Variants in NCKAP5 observed in about 807,000 individuals in gnomAD.
NCKAP5 encodes the protein NCK associated protein 5, also known as nck-associated protein 5.
Under a neutral mutation model 167.0 loss-of-function variants are expected in NCKAP5, and 92 were observed. The observed-to-expected ratio is 0.55, with a 90% CI of 0.47 to 0.66. NCKAP5 has a LOEUF of 0.66. Among genes scored for constraint, NCKAP5 ranks in the 30% least tolerant of loss-of-function variants. The probability of loss-of-function intolerance (pLI) is 0.00; values close to 1 mark genes in which losing one functional copy is unlikely to be tolerated. For synonymous variants in NCKAP5, 891 were observed against 877.4 expected (o/e 1.02, Z -0.27); for missense variants, 2,378 against 2,315.0 (o/e 1.03, Z -0.56).
Position 133,253,416 on chromosome 2 carries a change from G to C in NCKAP5, c.144-39637C>G, listed in dbSNP as rs113776925. ...AGAGGCAGTATATCCCACAAATTAA[G>C]TAAATGAAGGCTATAGAAGACAGAA... On this transcript the variant is annotated intron_variant, in intron 4 of 19. Transcript: ENST00000409261. 1.2e-3 allele frequency among the ~76,000 whole-genome samples: 186 copies of C among 152,302 alleles called. 1 individual carries two copies. Among genetic ancestry groups the C allele is most frequent in the African/African-American group, 3.8e-3 (156 of 41,558 alleles).
chr2:133,305,732 C>T (rs934238245), intron 3 of NCKAP5, among the ~76,000 whole-genome samples: 4 of 152,168 alleles, frequency 2.6e-5, no homozygotes, highest in African/African-American at 7.2e-5. Context: ...TAGCTTTATC[C>T]TGTTTTCCAT....
At chr2:133,124,120 G>T (rs780944103) in intron 6 of NCKAP5, among the ~76,000 whole-genome samples, 1 of 152,186 alleles carries the variant, frequency 6.6e-6, no homozygotes, top group Non-Finnish European at 1.5e-5. Flanking sequence ...AGTAAGTAAA[G>T]AAATAGCTTC....
chr2:133,035,397 A>T (rs1196834149), intron 6 of NCKAP5, among the ~76,000 whole-genome samples: 1 of 152,056 alleles, frequency 6.6e-6, no homozygotes, highest in Non-Finnish European at 1.5e-5. Context: ...AATCTGTACT[A>T]TCAACCAGAT....
intron 4 of NCKAP5, among the ~76,000 whole-genome samples, chr2:133,242,397 C>T (rs1184787295): frequency 2.0e-5 from 3 of 151,560 alleles, no homozygotes; most frequent in Non-Finnish European, 4.4e-5. Context: ...GGAGGTGATA[C>T]CCAAATATAA....
the NCKAP5 span, among the ~76,000 whole-genome samples, chr2:133,587,815 A>G: frequency 5.3e-5 from 8 of 152,184 alleles, no homozygotes; most frequent in Non-Finnish European, 7.3e-5. Context: ...TAACCAAGAA[A>G]GAAGTTTGAT....
At chr2:132,840,492 G>A (rs1032742640) in intron 11 of NCKAP5, among the ~76,000 whole-genome samples, 1 of 152,026 alleles carries the variant, frequency 6.6e-6, no homozygotes, top group African/African-American at 2.4e-5. Flanking sequence ...GGTCAGACTG[G>A]TCTCAAACTC....
Position 133,176,533 on chromosome 2 carries a change from A to G in NCKAP5, c.207+37183T>C, listed in dbSNP as rs374550477. 2.6e-5 allele frequency among the ~76,000 whole-genome samples: 4 copies of G among 152,174 alleles called. No individual in the cohort carries two copies. The East Asian group carries it at 5.8e-4, about 22-fold the overall frequency. On this transcript the variant is annotated intron_variant, in intron 5 of 19. Transcript: ENST00000409261. ...ATGTTCTTTGGATAGAATGTTACTT[A>G]TATTCCATTAGTTAAACACAGCACT...
At chr2:133,113,190 T>G (rs2081970102) in intron 6 of NCKAP5, among the ~76,000 whole-genome samples, 1 of 151,848 alleles carries the variant, frequency 6.6e-6, no homozygotes, top group South Asian at 2.1e-4. Context: ...AAGGATAGTT[T>G]ACACAATTGG....
At chr2:133,329,465 G>C (rs1264583780) in intron 3 of NCKAP5, among the ~76,000 whole-genome samples, 2 of 152,100 alleles carry the variant, frequency 1.3e-5, no homozygotes, top group Non-Finnish European at 2.9e-5. Flanking sequence ...GGACACCACT[G>C]GTCTTCATAA....
intron 6 of NCKAP5, among the ~76,000 whole-genome samples, chr2:133,058,834 C>T (rs762300150): frequency 2.0e-5 from 3 of 152,182 alleles, no homozygotes; most frequent in Non-Finnish European, 4.4e-5. Context: ...AACAGCCTTG[C>T]TTGCTATAGA....
chr2:133,043,627 G>A (rs1206226319), intron 6 of NCKAP5, among the ~76,000 whole-genome samples: 1 of 152,310 alleles, frequency 6.6e-6, no homozygotes, highest in South Asian at 2.1e-4. Flanking sequence ...AGGGCCACAG[G>A]TTAGACAAGC....
chr2:133,100,882 T>C (rs1468347804), intron 6 of NCKAP5, among the ~76,000 whole-genome samples: 1 of 152,244 alleles, frequency 6.6e-6, no homozygotes, highest in Non-Finnish European at 1.5e-5. Context: ...ATATTTTTAC[T>C]ATATGCAGAA....
chr2:132,962,422 A>G (rs148314825), intron 8 of NCKAP5, among the ~76,000 whole-genome samples: 1,572 of 152,030 alleles, frequency 0.01, 29 homozygotes, highest in African/African-American at 0.036. Flanking sequence ...AGGGATTCAA[A>G]TCAAACCCCA....
intron 8 of NCKAP5, among the ~76,000 whole-genome samples, chr2:132,885,651 G>T (rs559333263): frequency 3.3e-5 from 5 of 152,294 alleles, no homozygotes; most frequent in African/African-American, 9.6e-5. Context: ...CTGTGGAAAA[G>T]GGGTTTGACT....
At chr2:133,546,919 G>A (rs369809598) in intron 2 of NCKAP5, among the ~76,000 whole-genome samples, 9 of 152,212 alleles carry the variant, frequency 5.9e-5, no homozygotes, top group South Asian at 2.1e-4. Flanking sequence ...AGCTCCCAGC[G>A]TGAGCAACAC....
intron 4 of NCKAP5, among the ~76,000 whole-genome samples, chr2:133,279,119 T>C (rs1225596990): frequency 6.6e-6 from 1 of 152,208 alleles, no homozygotes; most frequent in African/African-American, 2.4e-5. Context: ...CAAAACTCTA[T>C]TTTCATTTAC....
At chr2:133,085,564 T>TA (rs2080959758) in intron 6 of NCKAP5, among the ~76,000 whole-genome samples, 1 of 151,752 alleles carries the variant, frequency 6.6e-6, no homozygotes, top group African/African-American at 2.4e-5. Context: ...TGAGGTAGCA[T>TA]AAAAAAAAGC....
At chr2:133,163,021 A>G (rs1419958349) in intron 5 of NCKAP5, among the ~76,000 whole-genome samples, 1 of 152,196 alleles carries the variant, frequency 6.6e-6, no homozygotes, top group Non-Finnish European at 1.5e-5. Context: ...AAACTCCAAT[A>G]TTCAGTTGCA....
intron 5 of NCKAP5, 103 bp from the exon 6 acceptor site, chr2:133,130,214 T>C: frequency 3.0e-6 from 4 of 1,314,340 alleles, no homozygotes; most frequent in Non-Finnish European, 4.1e-6. Flanking sequence ...TATATGAATT[T>C]CATCCTTTGA....
Sources: allele counts gnomAD v4.1 joint callset (sites outside exome capture counted in the v4.1 genomes callset), GRCh38; gene constraint gnomAD v4.1.1; transcripts MANE v1.5; gene names NCBI Gene and HGNC (gene_info 2026-07-23, HGNC 2026-07-21).